PTPRM: variants seen among roughly 807,000 people sequenced by gnomAD.
PTPRM encodes the protein protein tyrosine phosphatase receptor type M.
PTPRM carries 47 observed loss-of-function variants against 186.7 expected under a neutral mutation model. The observed-to-expected ratio is 0.25, with a 90% confidence interval of 0.20 to 0.32. The LOEUF is 0.32. Among genes scored for constraint, PTPRM ranks in the 10% least tolerant of loss-of-function variants. PTPRM has a pLI of 1.00. For missense variants in PTPRM, 1,494 were observed against 1,865.0 expected, an observed-to-expected ratio of 0.80 and a Z score of 3.66; for synonymous variants, 668 against 674.9, an observed-to-expected ratio of 0.99 and a Z score of 0.16.
intron 2 of PTPRM, among the ~76,000 whole-genome samples, chr18:7,824,592 A>G (rs2045384727): frequency 6.6e-6 from 1 of 152,180 alleles, no homozygotes; most frequent in Non-Finnish European, 1.5e-5. Flanking sequence ...TCCTATTAGT[A>G]ACTACTAGAC....
chr18:8,132,568 G>GC (rs112956174), intron 13 of PTPRM, among the ~76,000 whole-genome samples: 6,718 of 152,158 alleles, frequency 0.044, 266 homozygotes, highest in African/African-American at 0.1. Context: ...TTTCTGAAGA[G>GC]CCCCAGACCA....
chr18:7,782,544 C>T (rs1262337865), intron 2 of PTPRM, among the ~76,000 whole-genome samples: 1 of 152,190 alleles, frequency 6.6e-6, no homozygotes, highest in Admixed American at 6.5e-5. Flanking sequence ...TCCAGAACTT[C>T]TGTGTCTTCC....
At chr18:8,322,775 T>C (rs943224471) in intron 22 of PTPRM, among the ~76,000 whole-genome samples, 23 of 152,148 alleles carry the variant, frequency 1.5e-4, no homozygotes, top group South Asian at 4.1e-4. Flanking sequence ...CCTGCTGGCC[T>C]CATGGTGGCA....
At chr18:8,276,735 A>G (rs1436183721) in intron 19 of PTPRM, among the ~76,000 whole-genome samples, 1 of 152,202 alleles carries the variant, frequency 6.6e-6, no homozygotes, top group Non-Finnish European at 1.5e-5. Flanking sequence ...CCGTTCTACA[A>G]CAAAAAAATA....
chr18:8,042,928 A>G (rs2086785543), intron 7 of PTPRM, among the ~76,000 whole-genome samples: 1 of 150,930 alleles, frequency 6.6e-6, no homozygotes, highest in Admixed American at 6.6e-5. Context: ...AGACCCTCCA[A>G]CTCCCCCTTT....
intron 3 of PTPRM, among the ~76,000 whole-genome samples, chr18:7,888,816 A>T (rs1347774314): frequency 6.6e-6 from 1 of 152,236 alleles, no homozygotes; most frequent in East Asian, 1.9e-4. Context: ...GAATGAAATC[A>T]TGTCTTTAGC....
chr18:7,608,901 G>A (rs921775963), intron 1 of PTPRM, among the ~76,000 whole-genome samples: 1 of 152,260 alleles, frequency 6.6e-6, no homozygotes, highest in Non-Finnish European at 1.5e-5. Flanking sequence ...AGTTAGAACA[G>A]ATGTAGGAAG....
At chr18:7,626,575 G>T (rs1278379500) in intron 1 of PTPRM, among the ~76,000 whole-genome samples, 1 of 152,158 alleles carries the variant, frequency 6.6e-6, no homozygotes, top group Non-Finnish European at 1.5e-5. Flanking sequence ...CACACAGCTG[G>T]TGGCTTCACA....
intron 1 of PTPRM, among the ~76,000 whole-genome samples, chr18:7,698,518 A>G (rs1272554323): frequency 6.6e-6 from 1 of 152,230 alleles, no homozygotes; most frequent in African/African-American, 2.4e-5. Context: ...AACTTACCTC[A>G]TTAAGTACAA....
In PTPRM at chr18:7,577,974, G is replaced by T. The variant is rs143304714; in HGVS notation, c.73+10083G>T. On this transcript the variant is annotated intron_variant, in intron 1 of 32. Transcript: ENST00000580170. ...CAGAGAGGGACAGGACACAGTGGGG[G>T]TCTGAGGCTGTGACATCAGCCATGG... is the stretch of plus-strand genomic sequence containing the variant. 5.3e-3 allele frequency among the ~76,000 whole-genome samples: 813 copies of T among 152,290 alleles called. 6 individuals carry two copies. The highest frequency in any genetic ancestry group is 0.017 in the Middle Eastern group (5 of 294).
chr18:7,787,399 G>A (rs1250012462), intron 2 of PTPRM, among the ~76,000 whole-genome samples: 1 of 152,246 alleles, frequency 6.6e-6, no homozygotes, highest in African/African-American at 2.4e-5. Flanking sequence ...CTAGAAACAT[G>A]GGAACATTGG....
intron 1 of PTPRM, among the ~76,000 whole-genome samples, chr18:7,663,623 G>A (rs976477079): frequency 6.6e-6 from 1 of 152,190 alleles, no homozygotes; most frequent in African/African-American, 2.4e-5. Flanking sequence ...GGTGTCAGCC[G>A]AATGCTGGAG....
intron 11 of PTPRM, among the ~76,000 whole-genome samples, chr18:8,089,117 G>A: frequency 6.6e-6 from 1 of 152,180 alleles, no homozygotes. Flanking sequence ...CTGTTGAGGA[G>A]GTAGTTTTAA....
intron 6 of PTPRM, among the ~76,000 whole-genome samples, chr18:7,952,765 G>C (rs888292205): frequency 2.0e-5 from 3 of 152,120 alleles, no homozygotes; most frequent in African/African-American, 7.2e-5. Flanking sequence ...CAGCACTTTG[G>C]GAGGCCGAGG....
intron 14 of PTPRM, among the ~76,000 whole-genome samples, chr18:8,221,167 A>G (rs1424342566): frequency 6.6e-6 from 1 of 152,176 alleles, no homozygotes; most frequent in Non-Finnish European, 1.5e-5. Context: ...CTAGGATAGC[A>G]ATGGTCATGA....
At chr18:7,906,841 C>A (rs1055670370) in intron 4 of PTPRM, among the ~76,000 whole-genome samples, 1 of 152,170 alleles carries the variant, frequency 6.6e-6, no homozygotes, top group Non-Finnish European at 1.5e-5. Flanking sequence ...GACATCTTTG[C>A]AAAGAACCTG....
At chr18:7,768,505 G>A (rs1036236002) in intron 1 of PTPRM, among the ~76,000 whole-genome samples, 1 of 152,038 alleles carries the variant, frequency 6.6e-6, no homozygotes, top group Admixed American at 6.6e-5. Flanking sequence ...AAAACACAAA[G>A]AATAAAAAGC....
intron 7 of PTPRM, among the ~76,000 whole-genome samples, chr18:8,052,126 C>A (rs1161964553): frequency 1.3e-5 from 2 of 152,034 alleles, no homozygotes; most frequent in Non-Finnish European, 2.9e-5. Flanking sequence ...AGCTTCCAGG[C>A]GATGCTGCTG....
At chr18:7,581,018 C>T (rs886243568) in intron 1 of PTPRM, among the ~76,000 whole-genome samples, 12 of 152,186 alleles carry the variant, frequency 7.9e-5, no homozygotes, top group Non-Finnish European at 4.4e-5. Flanking sequence ...AGATTCTTCT[C>T]GTGGACACAG....
Sources: gnomAD v4.1 joint callset for allele counts (sites outside exome capture counted in the v4.1 genomes callset) on GRCh38, gnomAD v4.1.1 for gene constraint, MANE v1.5 for transcripts, NCBI Gene and HGNC (gene_info 2026-07-23, HGNC 2026-07-21) for gene names.